The following ITIH4 variants were observed in gnomAD, a reference collection of about 807,000 sequenced individuals.
The protein encoded by ITIH4 is inter-alpha-trypsin inhibitor heavy chain 4.
A neutral mutation model predicts 111.8 loss-of-function variants in ITIH4; 79 were observed. The ratio of observed to expected loss-of-function variants is 0.71; its 90% CI spans 0.59 to 0.85. The LOEUF is 0.85. ITIH4 is among the 40% of genes least tolerant of loss of function. ITIH4 has a pLI of 0.00. For missense variants in ITIH4, 1,065 were observed against 1,195.8 expected, an observed-to-expected ratio of 0.89 and a Z score of 1.61; for synonymous variants, 472 against 468.3, an observed-to-expected ratio of 1.01 and a Z score of -0.10.
chr3:52,820,279 T>C lies in ITIH4; in HGVS notation c.1861+12A>G, dbSNP rs1408663799. 6.8e-6 allele frequency: 11 copies of C among 1,613,958 alleles called. No homozygotes were observed. The highest frequency in any genetic ancestry group is 1.1e-5 in the South Asian group (1 of 91,080). On this transcript the variant is annotated intron_variant, in intron 14 of 23. Coordinates refer to ENST00000266041, the MANE Select transcript of ITIH4 (RefSeq NM_002218.5). ...CCACCCAGCACAGCCTTTGAGGATG[T>C]TCGCTGCTTACCTGAGTGGACATTC...
rs951697813 is a variant in ITIH4, at chr3:52,824,207, T to G, written c.1154A>C (p.Asp385Ala). 6 of 1,613,258 alleles carry G rather than the reference T, an allele frequency of 3.7e-6. No homozygotes were observed. The highest frequency in any genetic ancestry group is 1.3e-5 in the African/African-American group (1 of 74,922). Residue 385 changes from aspartate (D) to alanine (A), a missense_variant, in exon 9 of 24, where the codon GAT becomes GCT. By Grantham distance (126) the Asp-to-Ala change is moderately radical. Transcript: ENST00000266041. The surrounding 1 kb of genome is among the most constrained non-coding windows in gnomAD (Gnocchi z 4.3). ...GSVSLIILLT[D>A]GDPTVGETNP... is the part of the protein sequence containing the mutation. ...GCCCTCACCCACAGTGGGGTCGCCATCGGTGAGCAGGATGATGAGTGAGAC... is the reference window on the plus strand; with the variant it reads ...GCCCTCACCCACAGTGGGGTCGCCAGCGGTGAGCAGGATGATGAGTGAGAC...
At position 52,818,589 on chromosome 3, in the gene ITIH4, C is replaced by T. The variant is rs370351800; in HGVS notation, c.2078-53G>A. ...AGGGAGCAGGAAGGCAGTCAGGAGG[C>T]GGGCAACCAGCAGCGCTGCCACCAA... On this transcript the variant is annotated intron_variant, in intron 17 of 23. Coordinates refer to ENST00000266041, the MANE Select transcript of ITIH4 (RefSeq NM_002218.5). The T allele has an allele frequency of 5.6e-5, 84 of 1,489,946 alleles. 1 individual carries two copies. The Admixed American group carries it at 1.0e-3, about 18-fold the overall frequency. The allele number at this position is 1,489,946 out of a possible 1,614,324, so 92.3% of individuals were successfully genotyped here.
intron 6 of ITIH4, 65 bp from the exon 7 acceptor site, chr3:52,825,023 C>G: frequency 9.2e-7 from 1 of 1,089,202 alleles, no homozygotes; most frequent in South Asian, 1.4e-5. Context: ...CCATTCAGCC[C>G]CTTTACCCCA....
Position 52,824,710 on chromosome 3 carries a change from A to C in ITIH4, c.876+132T>G. The C allele has an allele frequency of 7.9e-7, 1 of 1,265,118 alleles. No individual in the cohort carries two copies. The highest frequency in any genetic ancestry group is 1.4e-5 in the South Asian group (1 of 71,094). The allele number at this position is 1,265,118 out of a possible 1,614,324, so 78.4% of individuals were successfully genotyped here. A position where few individuals can be genotyped will look rare whatever the true frequency, so the allele number is the denominator to read the frequency against. On this transcript the variant is annotated intron_variant, in intron 7 of 23. Transcript: ENST00000266041. The surrounding 1 kb of genome is among the most constrained non-coding windows in gnomAD (Gnocchi z 4.3). The stretch of plus-strand genomic sequence containing the variant: ...CAGGGGCTGCCCTAGGCTCTGGCCA[A>C]CCTTGGTTCCTGAGAGCCACCCGCC...
At chr3:52,821,155 C>A in intron 11 of ITIH4, 25 bp from the exon 12 acceptor site, 1 of 1,607,146 alleles carries the variant, frequency 6.2e-7, no homozygotes, top group Non-Finnish European at 8.5e-7. Flanking sequence ...CCAGCCAGGG[C>A]AGGAGCAGTG....
chr3:52,814,026 T>C lies in ITIH4; in HGVS notation c.2672A>G (p.Asp891Gly), dbSNP rs527329783. Reference protein sequence around the residue: ...EVLWGSPAASDDGRRTLRVQG... With the variant: ...EVLWGSPAASGDGRRTLRVQG... ...AACCCTCAGCGTGCGTCTGCCGTCA[T>C]CTGATGCTGCTGGAGATCCCCAGAG... The change falls in exon 23 of 24, where the codon GAT (aspartate) becomes GGT (glycine). Residue 891 changes from aspartate (D) to glycine (G), a missense_variant. Coordinates refer to ENST00000266041, the MANE Select transcript of ITIH4 (RefSeq NM_002218.5). The C allele has an allele frequency of 1.4e-5, 23 of 1,613,972 alleles. No homozygotes were observed. In the South Asian group the frequency reaches 2.3e-4, roughly 16 times the overall value.
intron 20 of ITIH4, 77 bp downstream of exon 20, chr3:52,817,975 C>T (rs754908281): frequency 1.2e-5 from 14 of 1,125,892 alleles, no homozygotes; most frequent in South Asian, 6.3e-5. Context: ...AGCCTGCACG[C>T]GCTGTGTGTG....
chr3:52,814,451 C>T, intron 21 of ITIH4, 88 bp from the exon 22 acceptor site: 2 of 1,181,532 alleles, frequency 1.7e-6, no homozygotes, highest in Non-Finnish European at 2.5e-6. Flanking sequence ...GCTGGGCTTC[C>T]CCTCTTGTCC....
chr3:52,818,124 T>C lies in ITIH4; in HGVS notation c.2224A>G (p.Ser742Gly). 1 of 1,613,710 alleles carries C rather than the reference T, an allele frequency of 6.2e-7. No homozygotes were observed. The highest frequency in any genetic ancestry group is 8.5e-7 in the Non-Finnish European group (1 of 1,179,832). ...GGGTCCACACAGAGCCGCTCCACAC[T>C]CTGCCCAGGCAGTGGCAGGATGGCA... ...PSAILPLPGQSVERLCVDPRH... is the reference protein window; with the variant it reads ...PSAILPLPGQGVERLCVDPRH... The change falls in exon 20 of 24, where the codon AGT becomes GGT. Residue 742 changes from serine to glycine, a missense_variant. Ser to Gly is a moderately conservative substitution (Grantham distance 56). Transcript: ENST00000266041.
chr3:52,825,904 G>C lies in ITIH4; in HGVS notation c.741C>G (p.Ile247Met), dbSNP rs779566403. 9.3e-6 allele frequency: 15 copies of C among 1,613,978 alleles called. No individual in the cohort carries two copies. In the South Asian group the frequency reaches 1.4e-4, roughly 15 times the overall value. The change falls in exon 6 of 24, where the codon ATC becomes ATG. Residue 247 changes from isoleucine (I) to methionine (M), a missense_variant. By Grantham distance (10) the Ile-to-Met change is conservative (BLOSUM62 1). Transcript: ENST00000266041. The stretch of plus-strand genomic sequence containing the variant: ...CACCCACCTGAATGGAGCCCCCGGA[G>C]ATGGCCCGGTCCACATCATAGCGGA... Reference protein sequence around the residue: ...LIIRYDVDRAISGGSIQIENG... With the variant: ...LIIRYDVDRAMSGGSIQIENG...
chr3:52,822,009 T>C (rs984994571), intron 11 of ITIH4, among the ~76,000 whole-genome samples: 2 of 152,256 alleles, frequency 1.3e-5, no homozygotes, highest in East Asian at 1.9e-4. Context: ...AAATGAACTT[T>C]AAGTAAGCTA....
intron 1 of ITIH4, among the ~76,000 whole-genome samples, chr3:52,829,500 A>G (rs1244905493): frequency 2.6e-5 from 4 of 152,190 alleles, no homozygotes; most frequent in African/African-American, 9.7e-5. Flanking sequence ...CCCACCCTAC[A>G]GCACCACAGG....
chr3:52,820,581 G>T, intron 13 of ITIH4, 50 bp downstream of exon 13: 1 of 1,561,278 alleles, frequency 6.4e-7, no homozygotes, highest in Non-Finnish European at 8.7e-7. Flanking sequence ...GGAGAACGCT[G>T]GGTCCAAACT....
Position 52,824,057 on chromosome 3 carries a change from A to G in ITIH4, c.1172-53T>C, listed in dbSNP as rs759831910. ...GAGAAAATAGTGATTTGCTTGAAGA[A>G]TATTTCTGGAACCTCAGAGCCGAGG... On this transcript the variant is annotated intron_variant, in intron 9 of 23. Transcript: ENST00000266041. The surrounding 1 kb of genome is among the most constrained non-coding windows in gnomAD (Gnocchi z 4.3). The G allele has an allele frequency of 2.6e-6, 4 of 1,545,424 alleles. No individual in the cohort carries two copies. Among genetic ancestry groups the G allele is most frequent in the Admixed American group, 2.0e-5 (1 of 51,218 alleles).
intron 12 of ITIH4, 86 bp downstream of exon 12, chr3:52,820,905 C>T: frequency 6.4e-7 from 1 of 1,553,672 alleles, no homozygotes; most frequent in Non-Finnish European, 8.7e-7. Context: ...ATGCCAAGAC[C>T]CCCCTCTCTC....
chr3:52,830,453 C>T (rs764732175), intron 1 of ITIH4, 100 bp downstream of exon 1: 18 of 1,142,440 alleles, frequency 1.6e-5, no homozygotes, highest in African/African-American at 3.0e-5. Flanking sequence ...GGGATGCACA[C>T]GCACTTGTGC....
rs140353320 is a variant in ITIH4, at chr3:52,821,060, T to C, written c.1610A>G (p.Lys537Arg). 6.7e-5 allele frequency: 108 copies of C among 1,614,058 alleles called. No individual in the cohort carries two copies. In the African/African-American group the frequency reaches 1.2e-3, roughly 18 times the overall value. ...CTCCATGAAGTTGTGGAAGATATACTTGGGGCTCTGGAACTCCGCCTCCTG... is the reference window on the plus strand; with the variant it reads ...CTCCATGAAGTTGTGGAAGATATACCTGGGGCTCTGGAACTCCGCCTCCTG... ...AEQEAEFQSP[K>R]YIFHNFMERL... is the part of the protein sequence containing the mutation. Residue 537 changes from lysine to arginine, a missense_variant, in exon 12 of 24, where the codon AAG becomes AGG. Lys to Arg is a conservative substitution (Grantham distance 26). Transcript: ENST00000266041.
Position 52,813,499 on chromosome 3 carries a change from G to A in ITIH4, c.2724-9C>T, listed in dbSNP as rs1700225637. 6.2e-7 allele frequency: 1 copy of A among 1,613,332 alleles called. No homozygotes were observed. Reference sequence around the variant, plus strand: ...AATCCAGCCTGCGCTCTCTGAAATGGAAAGACAGACAGATAGGCAGGTGGT... The same window carrying A: ...AATCCAGCCTGCGCTCTCTGAAATGAAAAGACAGACAGATAGGCAGGTGGT... On this transcript the variant is annotated splice_polypyrimidine_tract_variant and intron_variant, in intron 23 of 23. Transcript: ENST00000266041.
chr3:52,815,544 T>A (rs1700267846), intron 21 of ITIH4, among the ~76,000 whole-genome samples: 1 of 151,332 alleles, frequency 6.6e-6, no homozygotes, highest in South Asian at 2.1e-4. Flanking sequence ...GCCCAACCTA[T>A]TTTTCTTTAT....
Sources: allele counts gnomAD v4.1 joint callset (sites outside exome capture counted in the v4.1 genomes callset), GRCh38; gene constraint gnomAD v4.1.1; non-coding constraint Gnocchi (gnomAD v3.1); transcripts MANE v1.5; gene names NCBI Gene and HGNC (gene_info 2026-07-23, HGNC 2026-07-21).